The following CYFIP1 variants were observed in gnomAD, a reference collection of about 807,000 sequenced individuals.
CYFIP1 encodes the protein cytoplasmic FMR1 interacting protein 1.
Under a neutral mutation model 163.5 loss-of-function variants are expected in CYFIP1, and 58 were observed. The observed-to-expected ratio is 0.35, with a 90% CI of 0.29 to 0.44. The LOEUF (loss-of-function observed/expected upper bound fraction) is 0.44. Ranked by LOEUF, CYFIP1 falls within the 20% of genes least tolerant of loss-of-function variation. The pLI is 1.00. For synonymous variants in CYFIP1, 663 were observed against 660.7 expected, an observed-to-expected ratio of 1.00 and a Z score of -0.05; for missense variants, 1,338 against 1,653.8, an observed-to-expected ratio of 0.81 and a Z score of 3.31.
At chr15:22,964,241 C>G (rs1026465971) in intron 1 of CYFIP1, among the ~76,000 whole-genome samples, 1 of 149,546 alleles carries the variant, frequency 6.7e-6, no homozygotes, top group South Asian at 2.1e-4. Flanking sequence ...AACCCTACCC[C>G]ACCCCCATGC....
Position 22,870,122 on chromosome 15 carries a change from T to A in CYFIP1, c.3668A>T (p.Asp1223Val). The A allele has an allele frequency of 6.2e-7, 1 of 1,613,156 alleles. No homozygotes were observed. Among genetic ancestry groups the A allele is most frequent in the East Asian group, 2.2e-5 (1 of 44,822 alleles). ...CCCGTCGCCTGACTTCAGGTACTTA[T>A]CCAGGATGGTGATGATCTCATCATT... ...ILNDEIITIL[D>V]KYLKSGDGEG... is the part of the protein sequence containing the mutation. The change falls in exon 31 of 31, where the codon GAT becomes GTT. Residue 1223 changes from aspartate (D) to valine (V), a missense_variant. Physicochemically the swap from Asp to Val is radical, Grantham distance 152. Transcript: ENST00000617928.
At chr15:22,914,233 A>G (rs560240793) in intron 17 of CYFIP1, among the ~76,000 whole-genome samples, 106 of 152,156 alleles carry the variant, frequency 7.0e-4, no homozygotes, top group East Asian at 1.7e-3. Context: ...CTGCACTACG[A>G]AGGCCTGGGG....
chr15:22,890,322 A>G (rs1043594453), intron 23 of CYFIP1, among the ~76,000 whole-genome samples: 45 of 152,106 alleles, frequency 3.0e-4, no homozygotes, highest in African/African-American at 1.1e-3. Context: ...AAAAAAAAAA[A>G]AAAAGAAAAG....
chr15:22,895,677 G>A (rs1229811629), intron 22 of CYFIP1, among the ~76,000 whole-genome samples: 1 of 152,176 alleles, frequency 6.6e-6, no homozygotes, highest in Admixed American at 6.5e-5. Flanking sequence ...AGACAGCATG[G>A]GGTTAGAGGC....
At chr15:22,950,454 C>T (rs1363831357) in intron 1 of CYFIP1, among the ~76,000 whole-genome samples, 1 of 152,132 alleles carries the variant, frequency 6.6e-6, no homozygotes. Context: ...AATGTGAATG[C>T]ACCCGGCCAA....
At chr15:22,951,707 C>T (rs2062255489) in intron 1 of CYFIP1, among the ~76,000 whole-genome samples, 1 of 152,204 alleles carries the variant, frequency 6.6e-6, no homozygotes, top group Admixed American at 6.5e-5. Context: ...TGGCAACAGC[C>T]CCTGACCCCG....
intron 1 of CYFIP1, among the ~76,000 whole-genome samples, chr15:22,950,023 C>G (rs566253007): frequency 6.6e-6 from 1 of 152,146 alleles, no homozygotes; most frequent in African/African-American, 2.4e-5. Context: ...AAATAGATAA[C>G]ATATAATTTA....
chr15:22,899,452 G>A (rs1204870781), intron 22 of CYFIP1, among the ~76,000 whole-genome samples: 1 of 152,096 alleles, frequency 6.6e-6, no homozygotes, highest in Non-Finnish European at 1.5e-5. Flanking sequence ...TCGTTAGGAG[G>A]TAACTGAATA....
At chr15:22,891,253 C>T (rs1047623047) in intron 23 of CYFIP1, among the ~76,000 whole-genome samples, 1 of 151,944 alleles carries the variant, frequency 6.6e-6, no homozygotes, top group African/African-American at 2.4e-5. Flanking sequence ...GGTGAAACCC[C>T]GTCTCTACCA....
In CYFIP1 at chr15:22,867,058, T is replaced by G. The variant is rs762494960; in HGVS notation, c.*2970A>C. 9.6e-6 allele frequency: 5 copies of G among 523,322 alleles called. No homozygotes were observed. The highest frequency in any genetic ancestry group is 1.3e-5 in the Non-Finnish European group (4 of 301,532). 32.4% of individuals were successfully genotyped at this position (523,322 alleles called of 1,614,324 possible). A position where few individuals can be genotyped will look rare whatever the true frequency, so the allele number is the denominator to read the frequency against. On this transcript the variant is annotated 3_prime_UTR_variant, in exon 31 of 31. Transcript: ENST00000617928. ...TGACCTCAGCACATGACGATTTCTA[T>G]TAACATTTTATTGTTGTAGAAGTAT...
At chr15:22,895,101 G>A (rs757728836) in intron 22 of CYFIP1, among the ~76,000 whole-genome samples, 8 of 150,634 alleles carry the variant, frequency 5.3e-5, no homozygotes, top group Non-Finnish European at 7.4e-5. Context: ...TGTAAGCTCC[G>A]CCTCCCAGGT....
chr15:22,885,906 C>A (rs1201139698), intron 23 of CYFIP1, among the ~76,000 whole-genome samples: 1 of 152,144 alleles, frequency 6.6e-6, no homozygotes, highest in Non-Finnish European at 1.5e-5. Context: ...CTCCACTCTA[C>A]CAGTACCAAT....
chr15:22,928,457 G>T (rs2061429521), intron 11 of CYFIP1, among the ~76,000 whole-genome samples: 1 of 151,968 alleles, frequency 6.6e-6, no homozygotes, highest in African/African-American at 2.4e-5. Context: ...AAATGCTGTG[G>T]GTGCTGGACC....
rs539713929 is a variant in CYFIP1 at position 22,900,930 on chromosome 15, C to T, written c.2588+2776G>A. On this transcript the variant is annotated intron_variant, in intron 22 of 30. Coordinates refer to ENST00000617928, the MANE Select transcript of CYFIP1 (RefSeq NM_014608.6). ...GAAGGAGTTAAAACTCAGCTGGGCA[C>T]GGTGGCTCATACCTGTAATCCCAGC... Among the ~76,000 whole-genome samples the T allele has an allele frequency of 3.4e-4, 51 of 151,872 alleles. 3 individuals are homozygous for T. The South Asian group carries it at 9.4e-3, about 28-fold the overall frequency.
chr15:22,915,803 C>A (rs1485546740), intron 16 of CYFIP1, among the ~76,000 whole-genome samples: 2 of 152,112 alleles, frequency 1.3e-5, no homozygotes, highest in African/African-American at 4.8e-5. Context: ...AGGATAAAAA[C>A]CAATGTCCAG....
intron 1 of CYFIP1, among the ~76,000 whole-genome samples, chr15:22,966,713 A>G (rs748098981): frequency 6.6e-6 from 1 of 152,074 alleles, no homozygotes; most frequent in Non-Finnish European, 1.5e-5. Flanking sequence ...AGATTTCTCA[A>G]CTAAGAGTCT....
At chr15:22,913,527 CAAAAAAAAAAAAA>C (rs35228444) in intron 17 of CYFIP1, among the ~76,000 whole-genome samples, 2 of 10,286 alleles carry the variant, frequency 1.9e-4, no homozygotes, top group Non-Finnish European at 3.4e-4. Flanking sequence ...GGCTCTGTCT[CAAAAAAAAAAAAA>C]AAAAAAAAAA....
At chr15:22,934,174 T>C (rs1820777732) in intron 9 of CYFIP1, among the ~76,000 whole-genome samples, 1 of 129,064 alleles carries the variant, frequency 7.7e-6, no homozygotes, top group Non-Finnish European at 1.6e-5. Flanking sequence ...ACTGCATTTC[T>C]TTCTTTTTTT....
At position 22,883,832 on chromosome 15, in the gene CYFIP1, A is replaced by C. The variant is rs924681670; in HGVS notation, c.2677-821T>G. ...ACTTCATCTCAAAAAAAAAAAAAAA[A>C]AAAAAGGCAGGTTTAACTGACTCAC... On this transcript the variant is annotated intron_variant, in intron 23 of 30. Coordinates refer to ENST00000617928, the MANE Select transcript of CYFIP1 (RefSeq NM_014608.6). Among the ~76,000 whole-genome samples, 563 of 151,668 alleles carry C rather than the reference A, an allele frequency of 3.7e-3. 4 individuals carry two copies. The highest frequency in any genetic ancestry group is 0.013 in the African/African-American group (532 of 41,300).
Sources: gnomAD v4.1 joint callset for allele counts (sites outside exome capture counted in the v4.1 genomes callset) on GRCh38, gnomAD v4.1.1 for gene constraint, MANE v1.5 for transcripts, NCBI Gene and HGNC (gene_info 2026-07-23, HGNC 2026-07-21) for gene names.